BIN2: variants seen among roughly 807,000 people sequenced by gnomAD.
BIN2 encodes breast cancer associated protein BRAP1.
Under a neutral mutation model 67.9 loss-of-function variants are expected in BIN2, and 43 were observed. The observed-to-expected ratio is 0.63, with a 90% CI of 0.50 to 0.82. The LOEUF (loss-of-function observed/expected upper bound fraction) is 0.82. BIN2 is among the 40% of genes least tolerant of loss of function. The pLI is 0.00. For synonymous variants in BIN2, 244 were observed against 246.8 expected (o/e 0.99, Z 0.11); for missense variants, 581 against 671.6 (o/e 0.87, Z 1.49).
intron 1 of BIN2, among the ~76,000 whole-genome samples, chr12:51,321,583 G>A (rs1946284909): frequency 6.6e-6 from 1 of 152,124 alleles, no homozygotes; most frequent in African/African-American, 2.4e-5. Flanking sequence ...ATTTTTAGTA[G>A]AGACGGGGTT....
At chr12:51,298,412 G>T (rs2137385510) in intron 7 of BIN2, among the ~76,000 whole-genome samples, 1 of 151,788 alleles carries the variant, frequency 6.6e-6, no homozygotes, top group Non-Finnish European at 1.5e-5. Context: ...AATTAGTCAG[G>T]TGTGGTGGCA....
intron 11 of BIN2, among the ~76,000 whole-genome samples, chr12:51,287,336 T>C (rs1169058827): frequency 2.0e-5 from 3 of 150,744 alleles, no homozygotes; most frequent in Non-Finnish European, 4.4e-5. Flanking sequence ...TTGTTTTTTT[T>C]TGTTTTTTTT....
At chr12:51,300,083 C>T (rs117562582) in intron 5 of BIN2, among the ~76,000 whole-genome samples, 14 of 152,048 alleles carry the variant, frequency 9.2e-5, no homozygotes, top group Non-Finnish European at 1.6e-4. Context: ...TGTGATATGC[C>T]CACCTCGGCC....
At chr12:51,321,078 C>T (rs538596205) in intron 1 of BIN2, among the ~76,000 whole-genome samples, 59 of 152,248 alleles carry the variant, frequency 3.9e-4, no homozygotes, top group African/African-American at 1.2e-3. Flanking sequence ...GACCTCCACT[C>T]CCAGCTTTTC....
chr12:51,324,227 C>T (rs1946373426), upstream of BIN2: 15 of 1,462,048 alleles, frequency 1.0e-5, no homozygotes, highest in Admixed American at 2.6e-5. Flanking sequence ...CACCTCAGGC[C>T]GCCCCTGGCC....
At chr12:51,305,826 C>CTTTTTTTTTT (rs1168899685) in intron 2 of BIN2, among the ~76,000 whole-genome samples, 30 of 82,438 alleles carry the variant, frequency 3.6e-4, no homozygotes, top group Admixed American at 5.0e-4. Context: ...TGTTTTCTTT[C>CTTTTTTTTTT]TTTTTTTTTT....
chr12:51,302,028 C>T lies in BIN2; in HGVS notation c.400G>A (p.Glu134Lys). 6.2e-7 allele frequency: 1 copy of T among 1,611,916 alleles called. No homozygotes were observed. The highest frequency in any genetic ancestry group is 1.1e-5 in the South Asian group (1 of 91,012). Residue 134 changes from glutamate to lysine, a missense_variant, in exon 5 of 13, where the codon GAA becomes AAA. Transcript: ENST00000615107. The stretch of plus-strand genomic sequence containing the variant: ...TTCTGTACATTGAGTACCTTAATTT[C>T]ACTGAACTGGGCAACATAGATTTCC... ...TMEIYVAQFSEIKERIAKRGR... is the reference protein window; with the variant it reads ...TMEIYVAQFSKIKERIAKRGR...
intron 2 of BIN2, among the ~76,000 whole-genome samples, chr12:51,312,682 A>C (rs1946023851): frequency 6.6e-6 from 1 of 152,178 alleles, no homozygotes; most frequent in South Asian, 2.1e-4. Flanking sequence ...TTCATTTTAC[A>C]AGTTTATCTG....
At chr12:51,283,605 A>G (rs971106334) in intron 12 of BIN2, among the ~76,000 whole-genome samples, 2 of 152,194 alleles carry the variant, frequency 1.3e-5, no homozygotes, top group African/African-American at 2.4e-5. Context: ...CACATGCCAC[A>G]ACACACCCAG....
chr12:51,308,399 T>A (rs1009064294), intron 2 of BIN2, among the ~76,000 whole-genome samples: 1 of 152,204 alleles, frequency 6.6e-6, no homozygotes, highest in South Asian at 2.1e-4. Flanking sequence ...CCACCCATTA[T>A]ACAAACAGTC....
At chr12:51,311,713 T>A (rs529714207) in intron 2 of BIN2, among the ~76,000 whole-genome samples, 1 of 152,146 alleles carries the variant, frequency 6.6e-6, no homozygotes, top group East Asian at 1.9e-4. Context: ...TATTTTGAGG[T>A]GTGATAATGG....
rs1343770486 is a variant in BIN2 at position 51,310,519 on chromosome 12, T to C, written c.162+3304A>G. On this transcript the variant is annotated intron_variant, in intron 2 of 12. Coordinates refer to ENST00000615107, the MANE Select transcript of BIN2 (RefSeq NM_016293.4). ...TTTTTTAAAAGATAGCACTAAAACT[T>C]ACATTTTAGTGAAATATTTAATCTG... 2.6e-5 allele frequency among the ~76,000 whole-genome samples: 4 copies of C among 152,318 alleles called. No homozygotes were observed. In the East Asian group the frequency reaches 7.7e-4, roughly 29 times the overall value.
intron 9 of BIN2, among the ~76,000 whole-genome samples, chr12:51,293,426 C>A (rs1945445466): frequency 6.6e-6 from 1 of 152,204 alleles, no homozygotes; most frequent in Non-Finnish European, 1.5e-5. Flanking sequence ...TCTCCTGCCT[C>A]AGCCTCCCGA....
chr12:51,296,349 T>A (rs1385372972), intron 8 of BIN2, among the ~76,000 whole-genome samples: 1 of 151,860 alleles, frequency 6.6e-6, no homozygotes, highest in Non-Finnish European at 1.5e-5. Flanking sequence ...ACAAAAAAAT[T>A]AGCTGGGCGT....
intron 2 of BIN2, among the ~76,000 whole-genome samples, chr12:51,309,974 T>C (rs930680555): frequency 1.3e-5 from 2 of 152,164 alleles, no homozygotes; most frequent in Admixed American, 1.3e-4. Context: ...TAAGAAGAGT[T>C]GAGAAGAGGC....
chr12:51,319,242 C>A (rs1438036296), intron 1 of BIN2, among the ~76,000 whole-genome samples: 1 of 152,132 alleles, frequency 6.6e-6, no homozygotes, highest in Non-Finnish European at 1.5e-5. Context: ...AGGCTCAAGG[C>A]CAAAAGGCTT....
Position 51,299,658 on chromosome 12 carries a change from G to A in BIN2, c.465C>T (p.His155=), listed in dbSNP as rs1459121448. ...KLVDYDSARH[H]LEAVQNAKKK... ...TCTTGGCATTCTGCACTGCCTCCAGGTGGTGTCGGGCACTGTCATAGTCCA... is the reference window on the plus strand; with the variant it reads ...TCTTGGCATTCTGCACTGCCTCCAGATGGTGTCGGGCACTGTCATAGTCCA... The change falls in exon 6 of 13, where the codon CAC becomes CAT. Residue 155 remains histidine (H), a synonymous_variant. Coordinates refer to ENST00000615107, the MANE Select transcript of BIN2 (RefSeq NM_016293.4). The A allele has an allele frequency of 6.2e-7, 1 of 1,614,052 alleles. No individual in the cohort carries two copies. The highest frequency in any genetic ancestry group is 1.1e-5 in the South Asian group (1 of 91,076).
chr12:51,319,651 T>C (rs1946216692), intron 1 of BIN2, among the ~76,000 whole-genome samples: 1 of 152,136 alleles, frequency 6.6e-6, no homozygotes, highest in African/African-American at 2.4e-5. Flanking sequence ...GGCAAAAAAG[T>C]AAATGTGGCA....
chr12:51,303,002 T>C lies in BIN2; in HGVS notation c.217+85A>G, dbSNP rs1381697657. Reference sequence around the variant, plus strand: ...GTCAAATGATAAAATGACAAAAACCTGGGGGTATGGCTATTGTTTTCCACC... The same window carrying C: ...GTCAAATGATAAAATGACAAAAACCCGGGGGTATGGCTATTGTTTTCCACC... On this transcript the variant is annotated intron_variant, in intron 3 of 12. Coordinates refer to ENST00000615107, the MANE Select transcript of BIN2 (RefSeq NM_016293.4). 6.9e-6 allele frequency: 10 copies of C among 1,459,640 alleles called. No individual in the cohort carries two copies. In the East Asian group the frequency reaches 2.0e-4, roughly 30 times the overall value. 90.4% of individuals were successfully genotyped at this position (1,459,640 alleles called of 1,614,324 possible). A position where few individuals can be genotyped will look rare whatever the true frequency, so the allele number is the denominator to read the frequency against.
Sources: allele counts gnomAD v4.1 joint callset (sites outside exome capture counted in the v4.1 genomes callset), GRCh38; gene constraint gnomAD v4.1.1; transcripts MANE v1.5; gene names NCBI Gene and HGNC (gene_info 2026-07-23, HGNC 2026-07-21).